Variants in NAA35 observed in about 807,000 individuals in gnomAD.
NAA35 encodes N-alpha-acetyltransferase 35, NatC auxiliary subunit.
Under a neutral mutation model 101.7 loss-of-function variants are expected in NAA35, and 18 were observed. The observed-to-expected ratio is 0.18, with a 90% CI of 0.12 to 0.26. The LOEUF is 0.26. Ranked by LOEUF, NAA35 falls within the 10% of genes least tolerant of loss-of-function variation. NAA35 has a pLI of 1.00. For missense variants in NAA35, 601 were observed against 886.8 expected, an observed-to-expected ratio of 0.68 and a Z score of 4.09; for synonymous variants, 267 against 273.1, an observed-to-expected ratio of 0.98 and a Z score of 0.22.
At chr9:85,946,661 G>A (rs896624219) in intron 2 of NAA35, among the ~76,000 whole-genome samples, 1 of 149,476 alleles carries the variant, frequency 6.7e-6, no homozygotes, top group Non-Finnish European at 1.5e-5. Context: ...TTCTTAAAAC[G>A]TTATGAGATT....
chr9:85,988,777 CAA>C (rs894684288), intron 11 of NAA35, among the ~76,000 whole-genome samples: 3 of 141,908 alleles, frequency 2.1e-5, no homozygotes, highest in Admixed American at 1.4e-4. Flanking sequence ...GTCTGGGCAA[CAA>C]GAGTGAAACT....
intron 6 of NAA35, among the ~76,000 whole-genome samples, chr9:85,974,596 C>T (rs193003942): frequency 7.2e-5 from 11 of 152,194 alleles, no homozygotes; most frequent in East Asian, 3.9e-4. Flanking sequence ...TCTTGCAGCA[C>T]GGTCATTTAA....
intron 6 of NAA35, 144 bp downstream of exon 6, chr9:85,962,324 C>G: frequency 1.6e-6 from 1 of 637,924 alleles, no homozygotes; most frequent in Non-Finnish European, 2.6e-6. Flanking sequence ...AACACTGTCT[C>G]TACTAAAAAT....
rs1027271681 is a variant in NAA35, at chr9:86,015,629, G to GT, written c.1569-907dup. On this transcript the variant is annotated intron_variant, in intron 17 of 22. Transcript: ENST00000361671. ...AACTGCTGCTGGCCCAGAGATGACA[G>GT]TTTGAGAACCATTGGTATAGAATAT... The GT allele has an allele frequency of 5.7e-6, 4 of 696,926 alleles. No individual in the cohort carries two copies. In the African/African-American group the frequency reaches 7.7e-5, roughly 13 times the overall value. The allele number at this position is 696,926 out of a possible 1,614,324, so 43.2% of individuals were successfully genotyped here.
intron 11 of NAA35, chr9:85,986,727 G>T: frequency 3.6e-6 from 1 of 274,652 alleles, no homozygotes; most frequent in Non-Finnish European, 7.1e-6. Flanking sequence ...TGGAATTACA[G>T]GTGCCTGTCA....
chr9:86,022,147 T>G lies in NAA35; in HGVS notation c.*187T>G, dbSNP rs1157867158. On this transcript the variant is annotated 3_prime_UTR_variant, in exon 23 of 23. Coordinates refer to ENST00000361671, the MANE Select transcript of NAA35 (RefSeq NM_024635.4). ...ATGAAAACTGCTGTTTTAAAGTGGT[T>G]TATTATGTTCCATGGAAGAAACTGG... The G allele has an allele frequency of 1.2e-5, 6 of 520,298 alleles. No individual in the cohort carries two copies. Among genetic ancestry groups the G allele is most frequent in the African/African-American group, 1.9e-5 (1 of 51,304 alleles). The allele number at this position is 520,298 out of a possible 1,614,324, so 32.2% of individuals were successfully genotyped here.
rs189425221 is a variant in NAA35 at position 85,995,621 on chromosome 9, A to C, written c.878-778A>C. Among the ~76,000 whole-genome samples the C allele has an allele frequency of 2.9e-3, 439 of 152,242 alleles. 5 individuals are homozygous for C. The South Asian group carries it at 0.034, about 12-fold the overall frequency. On this transcript the variant is annotated intron_variant, in intron 11 of 22. Coordinates refer to ENST00000361671, the MANE Select transcript of NAA35 (RefSeq NM_024635.4). ...GCTATTCAGCTTTAATTTTATCTTTAATTGGCATCTGAAACCATATTTTTT... is the reference window on the plus strand; with the variant it reads ...GCTATTCAGCTTTAATTTTATCTTTCATTGGCATCTGAAACCATATTTTTT...
chr9:86,014,594 T>C (rs955622348), intron 17 of NAA35, among the ~76,000 whole-genome samples: 2 of 152,218 alleles, frequency 1.3e-5, no homozygotes, highest in African/African-American at 4.8e-5. Context: ...GTTTAGTGTA[T>C]TAGACTTTAA....
intron 12 of NAA35, among the ~76,000 whole-genome samples, chr9:85,997,486 C>T (rs993400805): frequency 3.3e-5 from 5 of 151,938 alleles, no homozygotes; most frequent in East Asian, 1.9e-4. Flanking sequence ...GGACTGCAAG[C>T]GTGTGCCACC....
chr9:86,021,066 C>T, intron 22 of NAA35, 97 bp downstream of exon 22: 2 of 857,686 alleles, frequency 2.3e-6, no homozygotes, highest in Non-Finnish European at 1.7e-6. Context: ...AAAATTAAAC[C>T]ACTGAACAAA....
chr9:85,953,174 C>T (rs1404891558), intron 2 of NAA35, among the ~76,000 whole-genome samples: 1 of 151,390 alleles, frequency 6.6e-6, no homozygotes, highest in African/African-American at 2.4e-5. Flanking sequence ...GATAGCACCA[C>T]TGCTCTCCAG....
chr9:86,018,150 C>G, intron 19 of NAA35, 105 bp from the exon 20 acceptor site: 1 of 1,006,254 alleles, frequency 9.9e-7, no homozygotes, highest in Non-Finnish European at 1.4e-6. Flanking sequence ...GAAGTGTTTG[C>G]TTGAAGGTTT....
intron 11 of NAA35, among the ~76,000 whole-genome samples, chr9:85,985,060 A>G (rs534828675): frequency 6.6e-6 from 1 of 152,388 alleles, no homozygotes; most frequent in African/African-American, 2.4e-5. Context: ...AAGATGTGCA[A>G]CAACATTAGT....
chr9:86,000,892 G>A (rs544681407), intron 12 of NAA35, among the ~76,000 whole-genome samples: 1 of 151,952 alleles, frequency 6.6e-6, no homozygotes, highest in South Asian at 2.1e-4. Context: ...ATTTCCCTCA[G>A]TTCACCTCTG....
At chr9:86,020,294 A>G (rs1461500271) in intron 21 of NAA35, among the ~76,000 whole-genome samples, 3 of 152,156 alleles carry the variant, frequency 2.0e-5, no homozygotes, top group South Asian at 4.1e-4. Flanking sequence ...CTATGATGAC[A>G]TATTTCATTT....
At chr9:86,019,321 G>A (rs567643671) in intron 21 of NAA35, among the ~76,000 whole-genome samples, 2 of 152,240 alleles carry the variant, frequency 1.3e-5, no homozygotes, top group African/African-American at 4.8e-5. Flanking sequence ...TTAGCCAGGC[G>A]TGGTGCATGC....
At chr9:85,971,353 T>A (rs978166256) in intron 6 of NAA35, among the ~76,000 whole-genome samples, 1 of 152,190 alleles carries the variant, frequency 6.6e-6, no homozygotes, top group Non-Finnish European at 1.5e-5. Flanking sequence ...TGTGAAATAC[T>A]TTTTTCTCTT....
rs1832658894 is a variant in NAA35 at position 86,023,517 on chromosome 9, G to A, written c.*1557G>A. Among the ~76,000 whole-genome samples, 1 of 152,182 alleles carries A rather than the reference G, an allele frequency of 6.6e-6. No homozygotes were observed. Among genetic ancestry groups the A allele is most frequent in the Non-Finnish European group, 1.5e-5 (1 of 68,022 alleles). On this transcript the variant is annotated 3_prime_UTR_variant, in exon 23 of 23. Transcript: ENST00000361671. Reference sequence around the variant, plus strand: ...AGAGCCTGAAGCAAGTTAGAAAGCTGAGAAATTATTATTCTTTCCCAGTGG... The same window carrying A: ...AGAGCCTGAAGCAAGTTAGAAAGCTAAGAAATTATTATTCTTTCCCAGTGG...
At chr9:85,982,940 C>T (rs1357971436) in intron 11 of NAA35, among the ~76,000 whole-genome samples, 1 of 152,100 alleles carries the variant, frequency 6.6e-6, no homozygotes, top group Admixed American at 6.5e-5. Context: ...CAAAGGCAGC[C>T]CAGTTTATAC....
Sources: allele counts gnomAD v4.1 joint callset (sites outside exome capture counted in the v4.1 genomes callset), GRCh38; gene constraint gnomAD v4.1.1; transcripts MANE v1.5; gene names NCBI Gene and HGNC (gene_info 2026-07-23, HGNC 2026-07-21).